Variants in GALNT7 observed in about 807,000 individuals in gnomAD.
GALNT7 encodes the protein polypeptide N-acetylgalactosaminyltransferase 7.
In GALNT7, 60 loss-of-function variants were observed where a neutral mutation model predicts 82.1. That is an observed-to-expected ratio of 0.73 (90% CI 0.59 to 0.91). The LOEUF is 0.91. Ranked by LOEUF, GALNT7 falls within the 40% of genes least tolerant of loss-of-function variation. GALNT7 has a pLI of 0.00. For synonymous variants in GALNT7, 243 were observed against 275.1 expected (o/e 0.88, Z 1.15); for missense variants, 660 against 804.2 (o/e 0.82, Z 2.17).
Position 173,320,053 on chromosome 4 carries a change from C to T in GALNT7, c.1836+1494C>T, listed in dbSNP as rs1048335914. Among the ~76,000 whole-genome samples the T allele has an allele frequency of 6.6e-6, 1 of 151,980 alleles. No individual in the cohort carries two copies. The highest frequency in any genetic ancestry group is 2.4e-5 in the African/African-American group (1 of 41,386). On this transcript the variant is annotated intron_variant, in intron 11 of 11. Transcript: ENST00000265000. The surrounding 1 kb of genome is among the most constrained non-coding windows in gnomAD (Gnocchi z 4.1). ...AATTGTGCTTTGGAGGAAAGAGCAC[C>T]GAACTTCATTTTTTAAGTTTTGGAG...
At chr4:173,181,013 A>G (rs1245870782) in intron 1 of GALNT7, among the ~76,000 whole-genome samples, 1 of 152,364 alleles carries the variant, frequency 6.6e-6, no homozygotes, top group East Asian at 1.9e-4. Flanking sequence ...AGGATGATTT[A>G]AAATGAATTT....
chr4:173,317,429 A>C (rs1008179033), intron 9 of GALNT7: 2 of 482,196 alleles, frequency 4.1e-6, no homozygotes, highest in African/African-American at 4.0e-5. Flanking sequence ...TCTTAGAGAA[A>C]GAACCCATTC....
chr4:173,239,473 A>T, intron 1 of GALNT7, among the ~76,000 whole-genome samples: 1 of 152,226 alleles, frequency 6.6e-6, no homozygotes. Context: ...ACTGGGGAGA[A>T]ACATACAGAT....
chr4:173,241,222 A>G lies in GALNT7; in HGVS notation c.127-6758A>G, dbSNP rs28646039. 2.0e-4 allele frequency among the ~76,000 whole-genome samples: 23 copies of G among 112,558 alleles called. 1 individual carries two copies. The highest frequency in any genetic ancestry group is 2.6e-4 in the Non-Finnish European group (14 of 52,878). The allele number at this position is 112,558 out of a possible 152,430, so 73.8% of individuals were successfully genotyped here. A position where few individuals can be genotyped will look rare whatever the true frequency, so the allele number is the denominator to read the frequency against. On this transcript the variant is annotated intron_variant, in intron 1 of 11. Coordinates refer to ENST00000265000, the MANE Select transcript of GALNT7 (RefSeq NM_017423.3). The stretch of plus-strand genomic sequence containing the variant: ...CCCATCTCTATTTAAAAAAAAAAAA[A>G]AAAGAAAGAAAGAAAAGAAATAGTT...
chr4:173,244,716 C>T (rs1403293460), intron 1 of GALNT7, among the ~76,000 whole-genome samples: 3 of 152,046 alleles, frequency 2.0e-5, no homozygotes, highest in Non-Finnish European at 4.4e-5. Context: ...GTGAGGGTGC[C>T]TGAATTAAGG....
chr4:173,176,498 T>C (rs1187863342), intron 1 of GALNT7, among the ~76,000 whole-genome samples: 5 of 152,268 alleles, frequency 3.3e-5, no homozygotes, highest in Non-Finnish European at 7.3e-5. Flanking sequence ...GCTTAAAGTG[T>C]ATTTTCCTAG....
intron 1 of GALNT7, among the ~76,000 whole-genome samples, chr4:173,194,346 C>T (rs903115139): frequency 1.3e-5 from 2 of 152,114 alleles, no homozygotes; most frequent in Non-Finnish European, 2.9e-5. Context: ...CTTATCATCT[C>T]GGAAATTCTG....
At position 173,295,375 on chromosome 4, in the gene GALNT7, T is replaced by G. The variant is rs73872540; in HGVS notation, c.755-21T>G. ...GTTTCTATTCGTCTAATTTATAATATCGATTGATTTTTCTTAACAGAACAC... is the reference window on the plus strand; with the variant it reads ...GTTTCTATTCGTCTAATTTATAATAGCGATTGATTTTTCTTAACAGAACAC... On this transcript the variant is annotated intron_variant, in intron 3 of 11. Coordinates refer to ENST00000265000, the MANE Select transcript of GALNT7 (RefSeq NM_017423.3). 8,788 of 1,479,790 alleles carry G rather than the reference T, an allele frequency of 5.9e-3. 424 individuals carry two copies. The African/African-American group carries it at 0.1, about 17-fold the overall frequency. 91.7% of individuals were successfully genotyped at this position (1,479,790 alleles called of 1,614,324 possible). A position where few individuals can be genotyped will look rare whatever the true frequency, so the allele number is the denominator to read the frequency against.
At chr4:173,281,320 C>A (rs1736100380) in intron 2 of GALNT7, among the ~76,000 whole-genome samples, 1 of 152,180 alleles carries the variant, frequency 6.6e-6, no homozygotes, top group Admixed American at 6.5e-5. Context: ...GACCAACGGT[C>A]CTTTCCTCAC....
chr4:173,211,924 G>C (rs1733296489), intron 1 of GALNT7, among the ~76,000 whole-genome samples: 1 of 152,186 alleles, frequency 6.6e-6, no homozygotes, highest in Admixed American at 6.5e-5. Flanking sequence ...CAAAGTGTCA[G>C]CTCTGGATTT....
intron 2 of GALNT7, among the ~76,000 whole-genome samples, chr4:173,273,501 T>C (rs1735798660): frequency 6.6e-6 from 1 of 152,196 alleles, no homozygotes; most frequent in Admixed American, 6.5e-5. Flanking sequence ...TTGTACTTCT[T>C]CTGAACAACT....
At chr4:173,182,925 T>TACACACACACACACACACACAC (rs61378172) in intron 1 of GALNT7, among the ~76,000 whole-genome samples, 9 of 134,298 alleles carry the variant, frequency 6.7e-5, no homozygotes, top group East Asian at 2.2e-4. Context: ...TTACTCATAA[T>TACACACACACACACACACACAC]ACACACACAC....
At chr4:173,201,754 T>A (rs1336721317) in intron 1 of GALNT7, among the ~76,000 whole-genome samples, 1 of 152,210 alleles carries the variant, frequency 6.6e-6, no homozygotes, top group East Asian at 1.9e-4. Context: ...GTTAATTAGC[T>A]TGAAGTGCCT....
chr4:173,217,847 T>C (rs1009080077), intron 1 of GALNT7, among the ~76,000 whole-genome samples: 1 of 152,224 alleles, frequency 6.6e-6, no homozygotes, highest in African/African-American at 2.4e-5. Context: ...AGTGGGTTGA[T>C]AAACTTGCAT....
chr4:173,260,182 A>G (rs1267087323), intron 2 of GALNT7, among the ~76,000 whole-genome samples: 2 of 152,336 alleles, frequency 1.3e-5, no homozygotes, highest in East Asian at 3.9e-4. Context: ...CAGTGTCTTC[A>G]ATAGGTTCAG....
intron 2 of GALNT7, among the ~76,000 whole-genome samples, chr4:173,254,465 T>C (rs1292151095): frequency 6.6e-6 from 1 of 152,238 alleles, no homozygotes; most frequent in African/African-American, 2.4e-5. Flanking sequence ...ATTGGAATGC[T>C]ATAGCTTTCC....
intron 6 of GALNT7, among the ~76,000 whole-genome samples, chr4:173,299,248 A>G (rs1358406964): frequency 1.3e-5 from 2 of 152,228 alleles, no homozygotes; most frequent in Non-Finnish European, 1.5e-5. Context: ...AAGAAGTTAT[A>G]GCACTTAATT....
chr4:173,293,137 T>C (rs1415125656), intron 3 of GALNT7, among the ~76,000 whole-genome samples: 2 of 152,190 alleles, frequency 1.3e-5, no homozygotes, highest in East Asian at 1.9e-4. Context: ...AGAACCTCTA[T>C]ATTATTAATA....
chr4:173,171,691 T>A (rs919845539), intron 1 of GALNT7, among the ~76,000 whole-genome samples: 1 of 152,230 alleles, frequency 6.6e-6, no homozygotes, highest in Admixed American at 6.5e-5. Context: ...AAAAATGACC[T>A]TACATTTCCG....
Sources: allele counts gnomAD v4.1 joint callset (sites outside exome capture counted in the v4.1 genomes callset), GRCh38; gene constraint gnomAD v4.1.1; non-coding constraint Gnocchi (gnomAD v3.1); transcripts MANE v1.5; gene names NCBI Gene and HGNC (gene_info 2026-07-23, HGNC 2026-07-21).